Variants in TRPV3 observed in about 807,000 individuals in gnomAD.
TRPV3 encodes the protein transient receptor potential cation channel subfamily V member 3, also known as VRL-3.
TRPV3 carries 88 observed loss-of-function variants against 87.1 expected under a neutral mutation model. That is an observed-to-expected ratio of 1.01 (90% confidence interval 0.85 to 1.21). The LOEUF (loss-of-function observed/expected upper bound fraction) is 1.21. Among genes scored for constraint, TRPV3 ranks in the 50% most tolerant of loss-of-function variants. The probability of loss-of-function intolerance (pLI) is 0.00; values close to 1 mark genes in which losing one functional copy is unlikely to be tolerated. For synonymous variants in TRPV3, 438 were observed against 423.3 expected, an observed-to-expected ratio of 1.03 and a Z score of -0.43; for missense variants, 1,054 against 1,030.1, an observed-to-expected ratio of 1.02 and a Z score of -0.32.
chr17:3,514,080 C>CT (rs967535489), intron 17 of TRPV3, 69 bp from the exon 18 acceptor site: 54 of 1,344,050 alleles, frequency 4.0e-5, no homozygotes, highest in East Asian at 7.6e-5. Context: ...TTTTCTTTTT[C>CT]TTTTTTTTCT....
intron 17 of TRPV3, 79 bp from the exon 18 acceptor site, chr17:3,514,090 T>G: frequency 7.8e-7 from 1 of 1,287,286 alleles, no homozygotes; most frequent in South Asian, 1.4e-5. Flanking sequence ...CTTTTTTTTC[T>G]TTTTTGAGAT....
chr17:3,550,901 C>T (rs1439129528), intron 2 of TRPV3, among the ~76,000 whole-genome samples: 5 of 152,112 alleles, frequency 3.3e-5, no homozygotes, highest in South Asian at 2.1e-4. Context: ...TCAGGGAGAC[C>T]GAAGGAAAGA....
chr17:3,519,902 T>TAGA (rs2074229620), intron 14 of TRPV3, among the ~76,000 whole-genome samples: 4 of 23,874 alleles, frequency 1.7e-4, no homozygotes, highest in Non-Finnish European at 2.9e-4. Context: ...GGATGGATGA[T>TAGA]TAGATGGATG....
chr17:3,542,541 G>A lies in TRPV3; in HGVS notation c.624C>T (p.Tyr208=), dbSNP rs940253742. The A allele has an allele frequency of 2.5e-6, 4 of 1,613,870 alleles. No homozygotes were observed. In the African/African-American group the frequency reaches 4.0e-5, roughly 16 times the overall value. The stretch of plus-strand genomic sequence containing the variant: ...GGATACCTTCATAGGCCTCCTCTGT[G>A]TACTCGGCGTTGATGAACCTGCCCA... ...DILGRFINAE[Y]TEEAYEGQTA... Residue 208 remains tyrosine, a synonymous_variant, in exon 6 of 18, where the codon TAC becomes TAT. Transcript: ENST00000576742.
Position 3,542,611 on chromosome 17 carries a change from T to C in TRPV3, c.554A>G (p.Glu185Gly), listed in dbSNP as rs201545423. The change falls in exon 6 of 18, where the codon GAG becomes GGG. Residue 185 changes from glutamate (E) to glycine (G), a missense_variant. Transcript: ENST00000576742. ...ALLNINPNTK[E>G]IVRILLAFAE... ...AAAGGCAAGCAGGATCCGCACTATC[T>C]CCTTGGTGTTGGGGTTGATGTTTAA... is the stretch of plus-strand genomic sequence containing the variant. 2 of 1,613,890 alleles carry C rather than the reference T, an allele frequency of 1.2e-6. No individual in the cohort carries two copies. Among genetic ancestry groups the C allele is most frequent in the African/African-American group, 1.3e-5 (1 of 74,902 alleles).
At chr17:3,534,085 C>G (rs763215933) in intron 7 of TRPV3, among the ~76,000 whole-genome samples, 16 of 152,120 alleles carry the variant, frequency 1.1e-4, no homozygotes, top group Non-Finnish European at 4.4e-5. Flanking sequence ...TCAGCTGCCT[C>G]CCCTCTCCTC....
At chr17:3,522,796 A>G (rs1432924945) in intron 13 of TRPV3, among the ~76,000 whole-genome samples, 5 of 151,334 alleles carry the variant, frequency 3.3e-5, no homozygotes, top group Middle Eastern at 3.4e-3. Flanking sequence ...CAGCCTGGGC[A>G]ACAGAGCGAG....
intron 2 of TRPV3, among the ~76,000 whole-genome samples, chr17:3,546,159 C>T (rs1413604941): frequency 6.6e-6 from 1 of 152,006 alleles, no homozygotes; most frequent in Non-Finnish European, 1.5e-5. Context: ...GGAAGACAAA[C>T]ATAGACGCAT....
rs76103574 is a variant in TRPV3 at position 3,531,050 on chromosome 17, T to C, written c.1066-847A>G. Reference sequence around the variant, plus strand: ...CAGCCTGGGCAATGAAGTGAGACTCTAGTCTCAAAAAAAACAAAACAAAAC... The same window carrying C: ...CAGCCTGGGCAATGAAGTGAGACTCCAGTCTCAAAAAAAACAAAACAAAAC... On this transcript the variant is annotated intron_variant, in intron 8 of 17. Coordinates refer to ENST00000576742, the MANE Select transcript of TRPV3 (RefSeq NM_145068.4). Among the ~76,000 whole-genome samples, 843 of 135,084 alleles carry C rather than the reference T, an allele frequency of 6.2e-3. 18 individuals are homozygous for C. The East Asian group carries it at 0.088, about 14-fold the overall frequency. The allele number at this position is 135,084 out of a possible 152,430, so 88.6% of individuals were successfully genotyped here.
intron 1 of TRPV3, among the ~76,000 whole-genome samples, chr17:3,555,127 CAT>C (rs1350167875): frequency 1.3e-5 from 2 of 152,202 alleles, no homozygotes; most frequent in Non-Finnish European, 2.9e-5. Flanking sequence ...TGTCCTCTCT[CAT>C]GACACCCTCC....
Position 3,518,561 on chromosome 17 carries a change from T to C in TRPV3, c.2085+15A>G. On this transcript the variant is annotated intron_variant, in intron 15 of 17. Transcript: ENST00000576742. This position sits in a 1 kb window ranked among gnomAD's most constrained non-coding sequence, Gnocchi z 4.3. Reference sequence around the variant, plus strand: ...CCGTGGAGGCCCCCACGCTGGGGTCTCCACCTAGGCTCACCTGCAGGCGCC... The same window carrying C: ...CCGTGGAGGCCCCCACGCTGGGGTCCCCACCTAGGCTCACCTGCAGGCGCC... 6.5e-7 allele frequency: 1 copy of C among 1,546,164 alleles called. No homozygotes were observed. Among genetic ancestry groups the C allele is most frequent in the South Asian group, 1.2e-5 (1 of 82,908 alleles).
At chr17:3,555,261 C>T (rs1300439091) in intron 1 of TRPV3, among the ~76,000 whole-genome samples, 4 of 152,308 alleles carry the variant, frequency 2.6e-5, no homozygotes, top group South Asian at 2.1e-4. Flanking sequence ...CAGTCCCAGG[C>T]GGACTCCTAA....
chr17:3,534,732 C>G (rs1012946850), intron 7 of TRPV3, among the ~76,000 whole-genome samples: 1 of 151,928 alleles, frequency 6.6e-6, no homozygotes, highest in Admixed American at 6.6e-5. Context: ...CTCTCACTCT[C>G]GACTCCCTGT....
chr17:3,519,640 G>GATTA (rs1242526551), intron 14 of TRPV3, among the ~76,000 whole-genome samples: 2 of 141,704 alleles, frequency 1.4e-5, no homozygotes, highest in African/African-American at 5.2e-5. Context: ...ATGATTAGAT[G>GATTA]GATGATTAGA....
At chr17:3,541,898 A>C (rs906013722) in intron 6 of TRPV3, among the ~76,000 whole-genome samples, 6 of 151,930 alleles carry the variant, frequency 3.9e-5, no homozygotes, top group African/African-American at 1.5e-4. Flanking sequence ...TTTAAATCTA[A>C]AATTATCTTA....
In TRPV3 at chr17:3,513,743, T is replaced by C. The variant is rs1597461905; in HGVS notation, c.*174A>G. On this transcript the variant is annotated 3_prime_UTR_variant, in exon 18 of 18. Coordinates refer to ENST00000576742, the MANE Select transcript of TRPV3 (RefSeq NM_145068.4). ...CCAGGATGTTTCCCACTCAGACAAA[T>C]TGACAACTGCCCCTCAGTTCAGACA... 9.5e-6 allele frequency: 5 copies of C among 528,316 alleles called. No homozygotes were observed. The highest frequency in any genetic ancestry group is 8.7e-5 in the East Asian group (3 of 34,298). 32.7% of individuals were successfully genotyped at this position (528,316 alleles called of 1,614,324 possible).
At position 3,530,188 on chromosome 17, in the gene TRPV3, G is replaced by C; in HGVS notation, c.1081C>G (p.Leu361Val). 6.2e-7 allele frequency: 1 copy of C among 1,612,702 alleles called. No homozygotes were observed. The highest frequency in any genetic ancestry group is 8.5e-7 in the Non-Finnish European group (1 of 1,179,168). The change falls in exon 9 of 18, where the codon CTC becomes GTC. Residue 361 changes from leucine (L) to valine (V), a missense_variant. Physicochemically the swap from Leu to Val is conservative, Grantham distance 32. Transcript: ENST00000576742. This position sits in a 1 kb window ranked among gnomAD's most constrained non-coding sequence, Gnocchi z 4.0. ...CGCTTCTCCTTGATCTCACGACTGA[G>C]GATGTACTTCAGGATCTGGGACAGG... is the stretch of plus-strand genomic sequence containing the variant. ...MGKAEILKYI[L>V]SREIKEKRLR...
chr17:3,535,269 C>CTCCTCCCTCCTCCCT (rs1555545156), intron 7 of TRPV3, among the ~76,000 whole-genome samples: 1 of 116,186 alleles, frequency 8.6e-6, no homozygotes, highest in African/African-American at 3.2e-5. Flanking sequence ...CTCCCTCTCC[C>CTCCTCCCTCCTCCCT]TCCTCCCTCC....
At chr17:3,552,985 T>C (rs116804949) in intron 2 of TRPV3, 2,020 of 152,452 alleles carry the variant, frequency 0.013, 30 homozygotes, top group African/African-American at 0.046. Context: ...CCTTCCAAGA[T>C]GGAGCCTCCA....
Sources: allele counts gnomAD v4.1 joint callset (sites outside exome capture counted in the v4.1 genomes callset), GRCh38; gene constraint gnomAD v4.1.1; non-coding constraint Gnocchi (gnomAD v3.1); transcripts MANE v1.5; gene names NCBI Gene and HGNC (gene_info 2026-07-23, HGNC 2026-07-21).